The following SETD3 variants were observed in gnomAD, a reference collection of about 807,000 sequenced individuals.
SETD3 encodes actin-histidine N-methyltransferase.
SETD3 carries 19 observed loss-of-function variants against 63.0 expected under a neutral mutation model. That is an observed-to-expected ratio of 0.30 (90% CI 0.21 to 0.44). SETD3 has a LOEUF of 0.44. Among genes scored for constraint, SETD3 ranks in the 20% least tolerant of loss-of-function variants. The pLI, the probability that SETD3 is intolerant of heterozygous loss-of-function variation, is 1.00. For synonymous variants in SETD3, 286 were observed against 264.1 expected (o/e 1.08, Z -0.80); for missense variants, 587 against 728.5 (o/e 0.81, Z 2.24).
At chr14:99,481,222 C>A (rs1595298240), upstream of SETD3, 6 of 393,996 alleles carry the variant, frequency 1.5e-5, no homozygotes, top group Non-Finnish European at 2.2e-5. Context: ...GGGATGGGCC[C>A]TGTGGCTGGC....
intron 6 of SETD3, among the ~76,000 whole-genome samples, chr14:99,423,648 T>C (rs1051036078): frequency 3.8e-5 from 5 of 130,304 alleles, no homozygotes; most frequent in East Asian, 4.9e-4. Context: ...GTACTTGCTA[T>C]TTCTCCATTA....
In SETD3 at chr14:99,459,198, A is replaced by C; in HGVS notation, c.346-13T>G. ...ACAATTCTTCTGCCTAGGGAAAAAA[A>C]TAATAATAGGAGAATCATCAAAACA... On this transcript the variant is annotated splice_polypyrimidine_tract_variant and intron_variant, in intron 4 of 12. Transcript: ENST00000331768. 1 of 1,588,272 alleles carries C rather than the reference A, an allele frequency of 6.3e-7. No individual in the cohort carries two copies. The highest frequency in any genetic ancestry group is 8.6e-7 in the Non-Finnish European group (1 of 1,159,434).
chr14:99,454,619 T>C (rs1159962785), intron 6 of SETD3, among the ~76,000 whole-genome samples: 6 of 152,180 alleles, frequency 3.9e-5, no homozygotes, highest in Non-Finnish European at 8.8e-5. Context: ...ATTTCTACAA[T>C]GAGCACTGTG....
At chr14:99,401,300 T>A (rs1891376033) in intron 11 of SETD3, among the ~76,000 whole-genome samples, 1 of 152,240 alleles carries the variant, frequency 6.6e-6, no homozygotes, top group Non-Finnish European at 1.5e-5. Flanking sequence ...CTTAGCATTT[T>A]ATCTCCCGGC....
At chr14:99,430,147 T>G (rs1893094223) in intron 6 of SETD3, among the ~76,000 whole-genome samples, 1 of 152,208 alleles carries the variant, frequency 6.6e-6, no homozygotes, top group African/African-American at 2.4e-5. Context: ...GAACCAAGTT[T>G]AGCACTGGCT....
intron 6 of SETD3, among the ~76,000 whole-genome samples, chr14:99,438,874 G>C (rs929921572): frequency 6.6e-6 from 1 of 152,156 alleles, no homozygotes; most frequent in Non-Finnish European, 1.5e-5. Flanking sequence ...ATCCAATACA[G>C]GGACTTTGCT....
chr14:99,444,048 G>C (rs1038869818), intron 6 of SETD3, among the ~76,000 whole-genome samples: 1 of 152,118 alleles, frequency 6.6e-6, no homozygotes. Context: ...TTTCTACAGG[G>C]AACCTAAGAC....
upstream of SETD3, chr14:99,481,281 G>A (rs1896303343): frequency 5.1e-6 from 2 of 395,582 alleles, no homozygotes; most frequent in Non-Finnish European, 8.9e-6. Context: ...GGGCGGGGAG[G>A]AGAGCGGCGG....
chr14:99,471,151 A>T (rs1348346627), intron 1 of SETD3, among the ~76,000 whole-genome samples: 1 of 152,208 alleles, frequency 6.6e-6, no homozygotes, highest in Non-Finnish European at 1.5e-5. Context: ...GGCAGAAAAA[A>T]AACCAAAGCT....
chr14:99,443,839 A>C (rs1401484220), intron 6 of SETD3, among the ~76,000 whole-genome samples: 1 of 152,158 alleles, frequency 6.6e-6, no homozygotes, highest in Non-Finnish European at 1.5e-5. Context: ...CTTTCTAACT[A>C]TATAGTCTTC....
At chr14:99,479,969 A>C (rs1328834850) in intron 1 of SETD3, among the ~76,000 whole-genome samples, 1 of 152,144 alleles carries the variant, frequency 6.6e-6, no homozygotes, top group Non-Finnish European at 1.5e-5. Context: ...GGAAAAGACA[A>C]GAGTTGCATC....
At chr14:99,470,008 C>T (rs894139077) in intron 1 of SETD3, among the ~76,000 whole-genome samples, 2 of 152,180 alleles carry the variant, frequency 1.3e-5, no homozygotes. Context: ...CCACAGCTCA[C>T]GGGATAATGC....
intron 6 of SETD3, among the ~76,000 whole-genome samples, chr14:99,437,696 T>TGA (rs1211007643): frequency 6.6e-6 from 1 of 152,186 alleles, no homozygotes; most frequent in Non-Finnish European, 1.5e-5. Context: ...TGTGTGTGTG[T>TGA]GACACACAGA....
intron 6 of SETD3, among the ~76,000 whole-genome samples, chr14:99,452,067 C>T (rs897480781): frequency 6.6e-6 from 1 of 152,174 alleles, no homozygotes; most frequent in African/African-American, 2.4e-5. Context: ...ACCATACACA[C>T]GAGTTAGAGC....
rs768554532 is a variant in SETD3, at chr14:99,406,465, C to A, written c.924+51G>T. ...TTTAAGATTACCAACACGGTGTTAA[C>A]GTTAGTGCCCACTGGCTGGCTCACA... On this transcript the variant is annotated intron_variant, in intron 9 of 12. Coordinates refer to ENST00000331768, the MANE Select transcript of SETD3 (RefSeq NM_032233.3). 5 of 1,514,406 alleles carry A rather than the reference C, an allele frequency of 3.3e-6. 1 individual carries two copies. The highest frequency in any genetic ancestry group is 4.6e-6 in the Non-Finnish European group (5 of 1,089,222). 93.8% of individuals were successfully genotyped at this position (1,514,406 alleles called of 1,614,324 possible).
chr14:99,424,526 C>G lies in SETD3; in HGVS notation c.676-10592G>C, dbSNP rs546846741. ...AGGTGGAAGACAGACAGGACATCAT[C>G]TCAAAGGCATGGGGGCTGTCTGTAA... On this transcript the variant is annotated intron_variant, in intron 6 of 12. Transcript: ENST00000331768. Among the ~76,000 whole-genome samples, 24 of 152,262 alleles carry G rather than the reference C, an allele frequency of 1.6e-4. No individual in the cohort carries two copies. The South Asian group carries it at 4.6e-3, about 29-fold the overall frequency.
chr14:99,414,951 G>A (rs577089374), intron 6 of SETD3, among the ~76,000 whole-genome samples: 4 of 152,274 alleles, frequency 2.6e-5, no homozygotes, highest in Admixed American at 6.5e-5. Flanking sequence ...ATTTATCATC[G>A]CTCACTGTAA....
intron 1 of SETD3, among the ~76,000 whole-genome samples, chr14:99,476,370 A>AT (rs1566739475): frequency 6.6e-6 from 1 of 152,194 alleles, no homozygotes; most frequent in Non-Finnish European, 1.5e-5. Context: ...TAAAGGTTTT[A>AT]TTTTTTGGCC....
At chr14:99,402,289 G>A (rs1035313119) in intron 11 of SETD3, among the ~76,000 whole-genome samples, 1 of 152,210 alleles carries the variant, frequency 6.6e-6, no homozygotes, top group Non-Finnish European at 1.5e-5. Flanking sequence ...CTGTGAACCA[G>A]CAGGAGCAAT....
Sources: allele counts gnomAD v4.1 joint callset (sites outside exome capture counted in the v4.1 genomes callset), GRCh38; gene constraint gnomAD v4.1.1; transcripts MANE v1.5; gene names NCBI Gene and HGNC (gene_info 2026-07-23, HGNC 2026-07-21).